The following HAAO variants were observed in gnomAD, a reference collection of about 807,000 sequenced individuals.
The protein encoded by HAAO is 3-hydroxyanthranilate 3,4-dioxygenase, also known as 3-hydroxyanthranilate oxygenase.
Under a neutral mutation model 46.2 loss-of-function variants are expected in HAAO, and 49 were observed. That is an observed-to-expected ratio of 1.06 (90% CI 0.84 to 1.34). The LOEUF is 1.34. Among genes scored for constraint, HAAO ranks in the 40% most tolerant of loss-of-function variants. The pLI, the probability that HAAO is intolerant of heterozygous loss-of-function variation, is 0.00. For missense variants in HAAO, 408 were observed against 364.5 expected (o/e 1.12, Z -0.97); for synonymous variants, 157 against 145.2 (o/e 1.08, Z -0.58).
At chr2:42,784,195 A>C (rs1214253032) in intron 2 of HAAO, among the ~76,000 whole-genome samples, 2 of 152,092 alleles carry the variant, frequency 1.3e-5, no homozygotes, top group Non-Finnish European at 2.9e-5. Context: ...GAACCCACCC[A>C]TTTACTGGGT....
chr2:42,772,064 A>G (rs1415461370), intron 4 of HAAO, among the ~76,000 whole-genome samples: 1 of 152,246 alleles, frequency 6.6e-6, no homozygotes, highest in Non-Finnish European at 1.5e-5. Flanking sequence ...CAGACTCACT[A>G]TATTAAAGTC....
At chr2:42,783,456 C>A (rs780152961) in intron 3 of HAAO, 36 bp from the exon 4 acceptor site, 11 of 1,341,848 alleles carry the variant, frequency 8.2e-6, no homozygotes, top group Non-Finnish European at 1.2e-5. Flanking sequence ...AGTGAGGCTG[C>A]AATCCCTCAT....
intron 1 of HAAO, among the ~76,000 whole-genome samples, chr2:42,790,198 T>G (rs1672683885): frequency 6.6e-6 from 1 of 152,166 alleles, no homozygotes; most frequent in Admixed American, 6.5e-5. Context: ...TCTTTCCTTT[T>G]CCTTCCCTTT....
intron 4 of HAAO, 136 bp downstream of exon 4, chr2:42,783,178 T>C (rs1194742175): frequency 1.6e-6 from 1 of 617,772 alleles, no homozygotes; most frequent in Non-Finnish European, 2.9e-6. Context: ...CTGCCTCTGC[T>C]GTGAGGCCCT....
At position 42,770,522 on chromosome 2, in the gene HAAO, G is replaced by A. The variant is rs754698257; in HGVS notation, c.411C>T (p.Leu137=). ...GGATGATGGGGGCCAACTGCGTGCC[G>A]AGGTCCTTGCAGTAGAACCACTTCT... The part of the protein sequence containing the change: ...LFEKWFYCKD[L]GTQLAPIIQE... The change falls in exon 5 of 10, where the codon CTC becomes CTT. Residue 137 remains leucine (L), a synonymous_variant. Coordinates refer to ENST00000294973, the MANE Select transcript of HAAO (RefSeq NM_012205.3). The A allele has an allele frequency of 2.0e-5, 31 of 1,552,848 alleles. No individual in the cohort carries two copies. In the Admixed American group the frequency reaches 3.7e-4, roughly 19 times the overall value.
intron 4 of HAAO, among the ~76,000 whole-genome samples, chr2:42,771,295 G>A (rs1215879125): frequency 6.6e-6 from 1 of 152,016 alleles, no homozygotes; most frequent in Non-Finnish European, 1.5e-5. Context: ...AGGCATGCTG[G>A]CAGGGGACTG....
Position 42,773,368 on chromosome 2 carries a change from C to T in HAAO, c.351-2786G>A, listed in dbSNP as rs377054131. On this transcript the variant is annotated intron_variant, in intron 4 of 9. Coordinates refer to ENST00000294973, the MANE Select transcript of HAAO (RefSeq NM_012205.3). ...AATGAGCTGGGGTAGAGAAACAAGC[C>T]GAGGGAGGCACTGGCCGTGATTCTA... 1.4e-4 allele frequency among the ~76,000 whole-genome samples: 21 copies of T among 151,926 alleles called. 1 individual carries two copies. Among genetic ancestry groups the T allele is most frequent in the African/African-American group, 4.1e-4 (17 of 41,398 alleles).
At chr2:42,782,058 TTTA>T (rs1399704926) in intron 4 of HAAO, among the ~76,000 whole-genome samples, 1 of 152,204 alleles carries the variant, frequency 6.6e-6, no homozygotes, top group East Asian at 1.9e-4. Context: ...TTTTTCAATT[TTTA>T]TTATTTTTCT....
intron 4 of HAAO, among the ~76,000 whole-genome samples, chr2:42,775,821 G>A (rs1671523421): frequency 1.3e-5 from 2 of 149,290 alleles, no homozygotes; most frequent in Non-Finnish European, 3.0e-5. Flanking sequence ...AAGATAAATG[G>A]TCTCAGCTGT....
intron 4 of HAAO, among the ~76,000 whole-genome samples, chr2:42,782,150 G>A (rs1000305312): frequency 6.6e-6 from 1 of 151,654 alleles, no homozygotes; most frequent in Non-Finnish European, 1.5e-5. Flanking sequence ...TTCTTTTTTT[G>A]TTTGTTTTTC....
chr2:42,771,892 A>G (rs1408504754), intron 4 of HAAO, among the ~76,000 whole-genome samples: 1 of 152,260 alleles, frequency 6.6e-6, no homozygotes, highest in Non-Finnish European at 1.5e-5. Context: ...GGAGCTGGCC[A>G]CCAGAAAGCT....
intron 1 of HAAO, among the ~76,000 whole-genome samples, chr2:42,791,502 G>A (rs905324563): frequency 2.0e-5 from 3 of 152,160 alleles, no homozygotes; most frequent in Non-Finnish European, 4.4e-5. Flanking sequence ...GTATTGCATG[G>A]TAACCAAGAG....
chr2:42,788,804 C>T (rs999405038), intron 1 of HAAO, among the ~76,000 whole-genome samples, 197 bp from the exon 2 acceptor site: 1 of 152,204 alleles, frequency 6.6e-6, no homozygotes, highest in South Asian at 2.1e-4. Flanking sequence ...TGTCTGGGAT[C>T]GTGTCTGTGT....
chr2:42,770,131 C>A lies in HAAO; in HGVS notation c.484+12G>T, dbSNP rs753171294. On this transcript the variant is annotated intron_variant, in intron 6 of 9. Transcript: ENST00000294973. ...GGGAGGGAAGGAGAAGGGCAGTTCCCAGCGGCCTCACCAGGGATGGGCTTT... is the reference window on the plus strand; with the variant it reads ...GGGAGGGAAGGAGAAGGGCAGTTCCAAGCGGCCTCACCAGGGATGGGCTTT... The A allele has an allele frequency of 1.9e-6, 3 of 1,603,184 alleles. No individual in the cohort carries two copies. The South Asian group carries it at 3.4e-5, about 18-fold the overall frequency.
chr2:42,767,655 A>G lies in HAAO; in HGVS notation c.722T>C (p.Met241Thr), dbSNP rs1437543237. The G allele has an allele frequency of 2.6e-6, 4 of 1,568,432 alleles. No homozygotes were observed. ...WQLEGSSVVTMGGRRLSLAPD... is the reference protein window; with the variant it reads ...WQLEGSSVVTTGGRRLSLAPD... ...GGCCAGGCTCAGGCGCCGTCCCCCC[A>G]TTGTCACCACCGAGGAGCCCTCCTG... The change falls in exon 9 of 10, where the codon ATG becomes ACG. Residue 241 changes from methionine to threonine, a missense_variant. Met to Thr is a moderately conservative substitution (Grantham distance 81). Coordinates refer to ENST00000294973, the MANE Select transcript of HAAO (RefSeq NM_012205.3).
chr2:42,791,764 T>C (rs1175818520), intron 1 of HAAO, among the ~76,000 whole-genome samples: 1 of 152,088 alleles, frequency 6.6e-6, no homozygotes, highest in African/African-American at 2.4e-5. Flanking sequence ...AGCTGGCATG[T>C]GGGGCCCCGC....
chr2:42,787,539 G>A (rs919216032), intron 2 of HAAO, among the ~76,000 whole-genome samples: 1 of 152,194 alleles, frequency 6.6e-6, no homozygotes, highest in African/African-American at 2.4e-5. Context: ...CGTGAGAGGT[G>A]AGGAGTTGGC....
intron 4 of HAAO, among the ~76,000 whole-genome samples, chr2:42,777,409 C>G (rs1671668701): frequency 6.6e-6 from 1 of 151,196 alleles, no homozygotes; most frequent in African/African-American, 2.4e-5. Context: ...CTTCTATTAG[C>G]ATGCCTAAGA....
rs769854329 is a variant in HAAO at position 42,767,453 on chromosome 2, T to C, written c.845A>G (p.Lys282Arg). ...GCAAGAGGGTCACCCCAGGGGCTTCTTGCAGGCAGGGTCCTGGGTCACAGA... is the reference window on the plus strand; with the variant it reads ...GCAAGAGGGTCACCCCAGGGGCTTCCTGCAGGCAGGGTCCTGGGTCACAGA... ...ALSVTQDPAC[K>R]KPLG The change falls in exon 10 of 10, where the codon AAG becomes AGG. Residue 282 changes from lysine to arginine, a missense_variant. By Grantham distance (26) the Lys-to-Arg change is conservative (BLOSUM62 2). Coordinates refer to ENST00000294973, the MANE Select transcript of HAAO (RefSeq NM_012205.3). 6.2e-7 allele frequency: 1 copy of C among 1,612,948 alleles called. No homozygotes were observed. The highest frequency in any genetic ancestry group is 1.1e-5 in the South Asian group (1 of 90,832).
Sources: allele counts gnomAD v4.1 joint callset (sites outside exome capture counted in the v4.1 genomes callset), GRCh38; gene constraint gnomAD v4.1.1; transcripts MANE v1.5; gene names NCBI Gene and HGNC (gene_info 2026-07-23, HGNC 2026-07-21).